Variants in FARS2 observed in about 807,000 individuals in gnomAD.
FARS2 encodes the protein phenylalanine--tRNA ligase, mitochondrial.
A neutral mutation model predicts 46.4 loss-of-function variants in FARS2; 40 were observed. The observed-to-expected ratio is 0.86, with a 90% confidence interval of 0.67 to 1.12. The LOEUF (loss-of-function observed/expected upper bound fraction) is 1.12, where lower values mean the gene tolerates loss of function less well. Ranked by LOEUF, FARS2 falls within the 50% of genes most tolerant of loss-of-function variation. The pLI is 0.00. For missense variants in FARS2, 513 were observed against 567.9 expected (o/e 0.90, Z 0.98); for synonymous variants, 234 against 214.9 (o/e 1.09, Z -0.78).
chr6:5,326,723 C>T (rs1327529686), intron 1 of FARS2, among the ~76,000 whole-genome samples: 3 of 152,162 alleles, frequency 2.0e-5, no homozygotes, highest in South Asian at 2.1e-4. Context: ...GGGTTTGCTC[C>T]GTCATCATGA....
chr6:5,316,186 G>A (rs1189960208), intron 1 of FARS2, among the ~76,000 whole-genome samples: 3 of 152,222 alleles, frequency 2.0e-5, no homozygotes, highest in South Asian at 4.1e-4. Flanking sequence ...CACTTAGGGT[G>A]ACTGGCACTG....
At chr6:5,688,969 A>G (rs917482839) in intron 6 of FARS2, among the ~76,000 whole-genome samples, 6 of 152,096 alleles carry the variant, frequency 3.9e-5, no homozygotes, top group Non-Finnish European at 8.8e-5. Context: ...TTGCTTCTAG[A>G]TTTTCTAGTT....
chr6:5,702,634 T>TA (rs1230408522), intron 6 of FARS2, among the ~76,000 whole-genome samples: 12 of 152,246 alleles, frequency 7.9e-5, no homozygotes, highest in South Asian at 2.1e-4. Context: ...TTGGAACTTG[T>TA]CCCTAAGTCA....
At chr6:5,396,971 G>A (rs953778118) in intron 2 of FARS2, among the ~76,000 whole-genome samples, 3 of 152,174 alleles carry the variant, frequency 2.0e-5, no homozygotes, top group African/African-American at 7.2e-5. Flanking sequence ...AAACCATCCT[G>A]TGTGAAAATC....
intron 1 of FARS2, among the ~76,000 whole-genome samples, chr6:5,265,723 A>T (rs744405): frequency 0.67 from 101,378 of 152,040 alleles, 33,983 homozygotes; most frequent in East Asian, 0.84. Flanking sequence ...TGATTAAAAT[A>T]AGGTATTAGG....
intron 4 of FARS2, among the ~76,000 whole-genome samples, chr6:5,489,429 G>C (rs548725902): frequency 6.6e-6 from 1 of 152,168 alleles, no homozygotes; most frequent in Non-Finnish European, 1.5e-5. Flanking sequence ...ACTCCAGCCT[G>C]GGTGACAGAA....
intron 4 of FARS2, among the ~76,000 whole-genome samples, chr6:5,504,701 G>A (rs1156799604): frequency 6.6e-6 from 1 of 152,074 alleles, no homozygotes; most frequent in African/African-American, 2.4e-5. Flanking sequence ...TTACAAAACT[G>A]CTCAAGGTAT....
chr6:5,571,005 T>G (rs1772610116), intron 5 of FARS2, among the ~76,000 whole-genome samples: 1 of 152,236 alleles, frequency 6.6e-6, no homozygotes, highest in Non-Finnish European at 1.5e-5. Context: ...TAAATAGACT[T>G]ACTGACTGTT....
At chr6:5,475,520 C>T (rs894704838) in intron 4 of FARS2, among the ~76,000 whole-genome samples, 1 of 152,172 alleles carries the variant, frequency 6.6e-6, no homozygotes, top group Non-Finnish European at 1.5e-5. Flanking sequence ...CTAGGACTCT[C>T]CCCTGACCAC....
intron 5 of FARS2, among the ~76,000 whole-genome samples, chr6:5,600,822 A>T (rs1774466786): frequency 6.6e-6 from 1 of 152,190 alleles, no homozygotes; most frequent in African/African-American, 2.4e-5. Context: ...CATAATTGTT[A>T]ATTAGGCTGA....
At chr6:5,676,433 C>T (rs894972236) in intron 6 of FARS2, among the ~76,000 whole-genome samples, 1 of 152,052 alleles carries the variant, frequency 6.6e-6, no homozygotes, top group Non-Finnish European at 1.5e-5. Context: ...ATGAGACTAA[C>T]GATATATTTT....
At chr6:5,334,896 A>G (rs967550245) in intron 1 of FARS2, among the ~76,000 whole-genome samples, 1 of 152,000 alleles carries the variant, frequency 6.6e-6, no homozygotes, top group Non-Finnish European at 1.5e-5. Flanking sequence ...CATATCAGCC[A>G]TGTTTATCTT....
chr6:5,322,373 A>G (rs1309846553), intron 1 of FARS2, among the ~76,000 whole-genome samples: 1 of 152,224 alleles, frequency 6.6e-6, no homozygotes, highest in Non-Finnish European at 1.5e-5. Flanking sequence ...TTGCCAACGT[A>G]TAGAAAAGTT....
At chr6:5,667,182 A>G (rs1476915236) in intron 6 of FARS2, among the ~76,000 whole-genome samples, 1 of 152,182 alleles carries the variant, frequency 6.6e-6, no homozygotes, top group Non-Finnish European at 1.5e-5. Context: ...ACAAACTTGC[A>G]TATGTACCCC....
chr6:5,695,125 G>A (rs914830758), intron 6 of FARS2: 1 of 152,218 alleles, frequency 6.6e-6, no homozygotes, highest in Non-Finnish European at 1.5e-5. Flanking sequence ...TGAAAGTTAA[G>A]GTGATGACGC....
intron 6 of FARS2, among the ~76,000 whole-genome samples, chr6:5,688,500 C>A (rs1446426406): frequency 6.6e-6 from 1 of 152,142 alleles, no homozygotes; most frequent in African/African-American, 2.4e-5. Context: ...TGCTGGATTA[C>A]GTTTATCGAT....
intron 4 of FARS2, among the ~76,000 whole-genome samples, chr6:5,459,818 T>A (rs1183733047): frequency 2.6e-5 from 4 of 152,198 alleles, no homozygotes; most frequent in Admixed American, 2.6e-4. Flanking sequence ...CCTTAGAGGC[T>A]GCCAGTTTCA....
At position 5,311,963 on chromosome 6, in the gene FARS2, T is replaced by G. The variant is rs758997862; in HGVS notation, c.-22+50303T>G. On this transcript the variant is annotated intron_variant, in intron 1 of 6. Coordinates refer to ENST00000274680, the MANE Select transcript of FARS2 (RefSeq NM_006567.5). The surrounding 1 kb of genome is among the most constrained non-coding windows in gnomAD (Gnocchi z 4.1). ...GAGTGTAAGTTAGTTTAAATAACTT[T>G]CCGTGCATCGTAGAATCTTCGGTGT... Among the ~76,000 whole-genome samples, 15 of 152,228 alleles carry G rather than the reference T, an allele frequency of 9.9e-5. No homozygotes were observed. Among genetic ancestry groups the G allele is most frequent in the African/African-American group, 1.4e-4 (6 of 41,466 alleles).
intron 6 of FARS2, among the ~76,000 whole-genome samples, chr6:5,733,331 G>C (rs1760757882): frequency 6.6e-6 from 1 of 152,200 alleles, no homozygotes; most frequent in Admixed American, 6.5e-5. Flanking sequence ...GTTTTCAACA[G>C]AGGAAATTGG....
Sources: gnomAD v4.1 joint callset for allele counts (sites outside exome capture counted in the v4.1 genomes callset) on GRCh38, gnomAD v4.1.1 for gene constraint, Gnocchi (gnomAD v3.1) non-coding constraint, MANE v1.5 for transcripts, NCBI Gene and HGNC (gene_info 2026-07-23, HGNC 2026-07-21) for gene names.